The following HKDC1 variants were observed in gnomAD, a reference collection of about 807,000 sequenced individuals.
The protein encoded by HKDC1 is hexokinase HKDC1.
HKDC1 carries 66 observed loss-of-function variants against 96.6 expected under a neutral mutation model. The ratio of observed to expected loss-of-function variants is 0.68; its 90% CI spans 0.56 to 0.84. The LOEUF (loss-of-function observed/expected upper bound fraction) is 0.84. Ranked by LOEUF, HKDC1 falls within the 40% of genes least tolerant of loss-of-function variation. HKDC1 has a pLI of 0.00. For synonymous variants in HKDC1, 466 were observed against 473.1 expected, an observed-to-expected ratio of 0.98 and a Z score of 0.20; for missense variants, 1,211 against 1,208.1, an observed-to-expected ratio of 1.00 and a Z score of -0.04.
In HKDC1 at chr10:69,250,281, C is replaced by T. The variant is rs1248067420; in HGVS notation, c.1571-9C>T. ...TCATGGAATGCAGCTGCTGCTTTCTCCATCACAGAGAAAGGAAAGTTTCTC... is the reference window on the plus strand; with the variant it reads ...TCATGGAATGCAGCTGCTGCTTTCTTCATCACAGAGAAAGGAAAGTTTCTC... On this transcript the variant is annotated splice_polypyrimidine_tract_variant and intron_variant, in intron 10 of 17. Transcript: ENST00000354624. The T allele has an allele frequency of 2.5e-6, 4 of 1,610,866 alleles. No homozygotes were observed. The highest frequency in any genetic ancestry group is 3.4e-6 in the Non-Finnish European group (4 of 1,178,478).
chr10:69,243,419 C>T, intron 7 of HKDC1, 54 bp downstream of exon 7: 1 of 1,430,686 alleles, frequency 7.0e-7, no homozygotes, highest in Non-Finnish European at 9.3e-7. Context: ...TGCCTAATCA[C>T]TCAGGTCCCC....
Position 69,250,548 on chromosome 10 carries a change from G to A in HKDC1, c.1732G>A (p.Val578Met), listed in dbSNP as rs779866372. Residue 578 changes from valine (V) to methionine (M), a missense_variant, in exon 12 of 18, where the codon GTG becomes ATG. Transcript: ENST00000354624. ...CTCTCTGCAGCTCTTTGATCACATT[G>A]TGCAGTGCATCGCCGACTTCCTGGA... Reference protein sequence around the residue: ...GTGEELFDHIVQCIADFLDYM... With the variant: ...GTGEELFDHIMQCIADFLDYM... The A allele has an allele frequency of 1.9e-6, 3 of 1,614,078 alleles. No homozygotes were observed. The highest frequency in any genetic ancestry group is 2.5e-6 in the Non-Finnish European group (3 of 1,180,016).
chr10:69,265,281 A>T, intron 16 of HKDC1: 1 of 340,470 alleles, frequency 2.9e-6, no homozygotes, highest in Non-Finnish European at 5.4e-6. Flanking sequence ...TCCTCTTCTG[A>T]AAAATGGGTA....
rs1051670927 is a variant in HKDC1, at chr10:69,232,798, G to C, written c.261G>C (p.Gly87=). Residue 87 remains glycine (G), a synonymous_variant, in exon 3 of 18, where the codon GGG becomes GGC. Transcript: ENST00000354624. ...NGEFLSLDLG[G]SKFRVLKVQV... is the part of the protein sequence containing the mutation. ...AGTTCCTTTCCCTGGATCTCGGAGG[G>C]TCCAAGTTCCGAGTGCTGAAGGTGC... The C allele has an allele frequency of 6.2e-7, 1 of 1,614,016 alleles. No individual in the cohort carries two copies. The highest frequency in any genetic ancestry group is 1.3e-5 in the African/African-American group (1 of 74,906).
At chr10:69,252,004 C>T (rs1366256414) in intron 12 of HKDC1, among the ~76,000 whole-genome samples, 1 of 152,044 alleles carries the variant, frequency 6.6e-6, no homozygotes, top group Admixed American at 6.6e-5. Flanking sequence ...AGGTAATTCA[C>T]CTACCTCAGC....
intron 16 of HKDC1, among the ~76,000 whole-genome samples, chr10:69,263,776 G>C (rs1380467616): frequency 2.0e-5 from 3 of 152,130 alleles, no homozygotes; most frequent in Non-Finnish European, 2.9e-5. Flanking sequence ...GGAATTGCAG[G>C]CTTTCTCTTT....
intron 12 of HKDC1, among the ~76,000 whole-genome samples, chr10:69,252,178 A>T (rs1843652723): frequency 6.6e-6 from 1 of 151,720 alleles, no homozygotes; most frequent in African/African-American, 2.4e-5. Flanking sequence ...AAATATGGAG[A>T]CATTTATTAC....
At chr10:69,258,744 G>A in intron 14 of HKDC1, 32 bp from the exon 15 acceptor site, 1 of 1,611,496 alleles carries the variant, frequency 6.2e-7, no homozygotes, top group Non-Finnish European at 8.5e-7. Context: ...TGATGTCTTT[G>A]AAGACTAAGG....
At chr10:69,232,406 T>A in intron 2 of HKDC1, 1 of 224,502 alleles carries the variant, frequency 4.5e-6, no homozygotes, top group South Asian at 7.6e-5. Flanking sequence ...GAGCACCAGC[T>A]CTCTCTTCCC....
chr10:69,236,388 G>A (rs1393244596), intron 4 of HKDC1, among the ~76,000 whole-genome samples: 1 of 151,700 alleles, frequency 6.6e-6, no homozygotes, highest in African/African-American at 2.4e-5. Context: ...GATTGCAGGC[G>A]TGGTGAGCCA....
Position 69,239,267 on chromosome 10 carries a change from G to C in HKDC1, c.591+130G>C. The C allele has an allele frequency of 4.8e-6, 3 of 627,466 alleles. No individual in the cohort carries two copies. The East Asian group carries it at 8.8e-5, about 18-fold the overall frequency. 38.9% of individuals were successfully genotyped at this position (627,466 alleles called of 1,614,324 possible). On this transcript the variant is annotated intron_variant, in intron 5 of 17. Transcript: ENST00000354624. ...TGGAGGGAGAATCAGAGAAGGAATTGATCTTAGAAAAGGTCCCACTGTAGT... is the reference window on the plus strand; with the variant it reads ...TGGAGGGAGAATCAGAGAAGGAATTCATCTTAGAAAAGGTCCCACTGTAGT...
intron 4 of HKDC1, among the ~76,000 whole-genome samples, chr10:69,236,614 C>G (rs570360665): frequency 2.0e-5 from 3 of 151,906 alleles, no homozygotes; most frequent in Non-Finnish European, 4.4e-5. Flanking sequence ...AACCCCGTCT[C>G]TACTAAAAGC....
At chr10:69,227,161 G>C (rs370319243) in intron 1 of HKDC1, 46 bp from the exon 2 acceptor site, 104 of 1,607,786 alleles carry the variant, frequency 6.5e-5, no homozygotes, top group Non-Finnish European at 8.3e-5. Flanking sequence ...CGACTGGAGG[G>C]TGAGGGCCCC....
intron 1 of HKDC1, among the ~76,000 whole-genome samples, chr10:69,221,635 A>G (rs1166289947): frequency 6.6e-6 from 1 of 152,150 alleles, no homozygotes; most frequent in Admixed American, 6.5e-5. Context: ...TACAAAATGA[A>G]TAAGGAGGCC....
At chr10:69,221,203 T>G (rs185120208) in intron 1 of HKDC1, among the ~76,000 whole-genome samples, 8 of 152,204 alleles carry the variant, frequency 5.3e-5, no homozygotes, top group African/African-American at 1.9e-4. Context: ...TGAAAGCATA[T>G]AAATGTGGGC....
chr10:69,262,895 C>T (rs972411679), intron 16 of HKDC1, among the ~76,000 whole-genome samples: 6 of 151,208 alleles, frequency 4.0e-5, no homozygotes, highest in Non-Finnish European at 7.4e-5. Flanking sequence ...AGCAATAGAC[C>T]GACAAGTTTA....
At chr10:69,245,439 C>T (rs1393157587) in intron 7 of HKDC1, among the ~76,000 whole-genome samples, 1 of 148,826 alleles carries the variant, frequency 6.7e-6, no homozygotes, top group Non-Finnish European at 1.5e-5. Context: ...AAAAAATTAG[C>T]CAGGTGTGAT....
At position 69,250,616 on chromosome 10, in the gene HKDC1, A is replaced by G. The variant is rs138708258; in HGVS notation, c.1800A>G (p.Thr600=). The part of the protein sequence containing the change: ...LKGASLPLGF[T]FSFPCRQMSI... ...GAGCCTCCCTACCTTTGGGCTTCAC[A>G]TTCTCATTTCCCTGCAGGCAGATGA... is the stretch of plus-strand genomic sequence containing the variant. Residue 600 remains threonine, a synonymous_variant, in exon 12 of 18, where the codon ACA becomes ACG. Coordinates refer to ENST00000354624, the MANE Select transcript of HKDC1 (RefSeq NM_025130.4). 16 of 1,613,970 alleles carry G rather than the reference A, an allele frequency of 9.9e-6. No individual in the cohort carries two copies. Among genetic ancestry groups the G allele is most frequent in the South Asian group, 6.6e-5 (6 of 91,078 alleles).
chr10:69,235,378 C>T (rs2894079), intron 4 of HKDC1, among the ~76,000 whole-genome samples: 17,430 of 152,182 alleles, frequency 0.11, 1,145 homozygotes, highest in Middle Eastern at 0.19. Context: ...GCTGAGATCA[C>T]GCCACTGCAT....
Sources: gnomAD v4.1 joint callset for allele counts (sites outside exome capture counted in the v4.1 genomes callset) on GRCh38, gnomAD v4.1.1 for gene constraint, MANE v1.5 for transcripts, NCBI Gene and HGNC (gene_info 2026-07-23, HGNC 2026-07-21) for gene names.